SH3D19: variants seen among roughly 807,000 people sequenced by gnomAD.
The protein encoded by SH3D19 is SH3 domain containing 19.
Under a neutral mutation model 112.1 loss-of-function variants are expected in SH3D19, and 58 were observed. The ratio of observed to expected loss-of-function variants is 0.52; its 90% confidence interval spans 0.42 to 0.64. The LOEUF is 0.64. Among genes scored for constraint, SH3D19 ranks in the 30% least tolerant of loss-of-function variants. SH3D19 has a pLI of 0.00. For synonymous variants in SH3D19, 391 were observed against 448.5 expected (o/e 0.87, Z 1.62); for missense variants, 1,090 against 1,263.4 (o/e 0.86, Z 2.08).
At chr4:151,282,119 T>C (rs774597280) in intron 1 of SH3D19, 1 of 1,610,426 alleles carries the variant, frequency 6.2e-7, no homozygotes, top group East Asian at 2.2e-5. Flanking sequence ...CTGCAGGCCA[T>C]AAGCAGGCCT....
intron 2 of SH3D19, among the ~76,000 whole-genome samples, chr4:151,205,222 C>T (rs1764931404): frequency 6.6e-6 from 1 of 152,162 alleles, no homozygotes; most frequent in African/African-American, 2.4e-5. Context: ...TACAGCTGAA[C>T]TTTGTGCAGT....
chr4:151,202,840 C>T (rs532949278), intron 2 of SH3D19, among the ~76,000 whole-genome samples: 23 of 152,274 alleles, frequency 1.5e-4, no homozygotes, highest in African/African-American at 4.8e-4. Context: ...CTTCTAAACA[C>T]CCAAAACTAG....
chr4:151,225,088 G>A (rs183271693), intron 2 of SH3D19, among the ~76,000 whole-genome samples: 4 of 152,222 alleles, frequency 2.6e-5, no homozygotes, highest in East Asian at 1.9e-4. Context: ...TCTGCAAAAC[G>A]CATTGCTATT....
At chr4:151,172,493 C>T (rs1022469415) in intron 7 of SH3D19, among the ~76,000 whole-genome samples, 25 of 152,194 alleles carry the variant, frequency 1.6e-4, no homozygotes, top group African/African-American at 6.0e-4. Flanking sequence ...AAAGGAGAGG[C>T]AGAGTCAAGA....
Position 151,135,089 on chromosome 4 carries a change from G to A in SH3D19, c.2471C>T (p.Ser824Leu), listed in dbSNP as rs767471234. 1.6e-5 allele frequency: 26 copies of A among 1,603,682 alleles called. 1 individual carries two copies. In the South Asian group the frequency reaches 2.9e-4, roughly 18 times the overall value. Residue 824 changes from serine (S) to leucine (L), a missense_variant, in exon 15 of 20, where the codon TCA becomes TTA. By Grantham distance (145) the Ser-to-Leu change is moderately radical. Coordinates refer to ENST00000604030, the MANE Select transcript of SH3D19 (RefSeq NM_001378122.1). ...TAAAACTTACTTAACACAATGAGAT[G>A]AAACACATTCTCTTTTCCCATTTCC... ...EGGNGKRECV[S>L]SHCVKGSRCV...
In SH3D19 at chr4:151,128,230, T is replaced by A; in HGVS notation, c.2869A>T (p.Arg957Trp). ...CCCTCCCTGTCCTGCAGTCTGCCCC[T>A]GCACCAGTCAGAATCCAGACGTTCC... ...ILERLDSDWC[R>W]GRLQDREGIF... is the part of the protein sequence containing the mutation. The change falls in exon 18 of 20, where the codon AGG becomes TGG. Residue 957 changes from arginine to tryptophan, a missense_variant. Coordinates refer to ENST00000604030, the MANE Select transcript of SH3D19 (RefSeq NM_001378122.1). 3 of 1,614,150 alleles carry A rather than the reference T, an allele frequency of 1.9e-6. No homozygotes were observed. The highest frequency in any genetic ancestry group is 2.5e-6 in the Non-Finnish European group (3 of 1,180,004).
chr4:151,204,160 G>GA (rs1764779732), intron 2 of SH3D19, among the ~76,000 whole-genome samples: 1 of 152,118 alleles, frequency 6.6e-6, no homozygotes, highest in South Asian at 2.1e-4. Flanking sequence ...AACCCTACAT[G>GA]AATTAGCATA....
At chr4:151,163,447 A>G (rs753685952) in intron 8 of SH3D19, among the ~76,000 whole-genome samples, 71 of 152,206 alleles carry the variant, frequency 4.7e-4, no homozygotes, top group Middle Eastern at 3.2e-3. Context: ...ATATGTTACT[A>G]TACTTGTTAA....
intron 14 of SH3D19, 56 bp from the exon 15 acceptor site, chr4:151,135,188 A>T: frequency 7.0e-7 from 1 of 1,422,714 alleles, no homozygotes; most frequent in South Asian, 1.3e-5. Flanking sequence ...TTCATAAGAT[A>T]AATTTAAGGT....
chr4:151,217,433 G>A (rs1264264286), intron 2 of SH3D19, among the ~76,000 whole-genome samples: 1 of 152,088 alleles, frequency 6.6e-6, no homozygotes, highest in Non-Finnish European at 1.5e-5. Flanking sequence ...TATTAACTCT[G>A]AGAGTACTAA....
intron 19 of SH3D19, 92 bp downstream of exon 19, chr4:151,127,526 T>A: frequency 2.8e-6 from 2 of 720,828 alleles, no homozygotes; most frequent in South Asian, 4.9e-5. Flanking sequence ...TGAGTAATGA[T>A]TAATATTCCA....
chr4:151,155,559 C>A (rs1755942231), intron 9 of SH3D19, among the ~76,000 whole-genome samples: 1 of 151,742 alleles, frequency 6.6e-6, no homozygotes, highest in African/African-American at 2.4e-5. Flanking sequence ...TTAAAACAAG[C>A]CTTAAAGATC....
At chr4:151,150,322 C>CACAT (rs538043522) in intron 9 of SH3D19, among the ~76,000 whole-genome samples, 1 of 123,750 alleles carries the variant, frequency 8.1e-6, no homozygotes, top group African/African-American at 3.0e-5. Context: ...TATATATATA[C>CACAT]ATATATATAT....
intron 2 of SH3D19, among the ~76,000 whole-genome samples, chr4:151,190,258 G>A (rs534119495): frequency 6.6e-6 from 1 of 152,228 alleles, no homozygotes; most frequent in South Asian, 2.1e-4. Context: ...ATAAAAGTTG[G>A]GGAAATTTGC....
Position 151,120,666 on chromosome 4 carries a change from T to G in SH3D19, c.*1425A>C, listed in dbSNP as rs1198322043. The G allele has an allele frequency of 6.6e-6, 1 of 152,186 alleles. No homozygotes were observed. The highest frequency in any genetic ancestry group is 1.5e-5 in the Non-Finnish European group (1 of 68,036). 9.4% of individuals were successfully genotyped at this position (152,186 alleles called of 1,614,324 possible). ...TAACCATAGAATGGGGAGATAACTT[T>G]AGTCAAAGACCAAGTAAATATTACC... On this transcript the variant is annotated 3_prime_UTR_variant, in exon 20 of 20. Coordinates refer to ENST00000604030, the MANE Select transcript of SH3D19 (RefSeq NM_001378122.1).
chr4:151,202,347 A>G (rs1764523654), intron 2 of SH3D19, among the ~76,000 whole-genome samples: 1 of 152,172 alleles, frequency 6.6e-6, no homozygotes, highest in African/African-American at 2.4e-5. Flanking sequence ...AATAATAATA[A>G]AATAGATTCT....
chr4:151,167,453 A>G (rs966168465), intron 7 of SH3D19, among the ~76,000 whole-genome samples: 3 of 151,978 alleles, frequency 2.0e-5, no homozygotes, highest in African/African-American at 7.2e-5. Context: ...ATATCTGTCC[A>G]TGTATTTTCT....
intron 1 of SH3D19, among the ~76,000 whole-genome samples, chr4:151,324,360 C>T (rs1362932353): frequency 6.6e-6 from 1 of 152,192 alleles, no homozygotes; most frequent in Non-Finnish European, 1.5e-5. Context: ...TATAATGAGG[C>T]TCTCAGTGAA....
At chr4:151,217,577 C>G (rs1365512702) in intron 2 of SH3D19, among the ~76,000 whole-genome samples, 5 of 151,882 alleles carry the variant, frequency 3.3e-5, no homozygotes, top group Non-Finnish European at 7.4e-5. Context: ...CACCAGGAAG[C>G]TATCTGAGAT....
Sources: allele counts gnomAD v4.1 joint callset (sites outside exome capture counted in the v4.1 genomes callset), GRCh38; gene constraint gnomAD v4.1.1; transcripts MANE v1.5; gene names NCBI Gene and HGNC (gene_info 2026-07-23, HGNC 2026-07-21).